The following NRG3 variants were observed in gnomAD, a reference collection of about 807,000 sequenced individuals.
NRG3 encodes the protein neuregulin 3.
A neutral mutation model predicts 66.9 loss-of-function variants in NRG3; 31 were observed. The ratio of observed to expected loss-of-function variants is 0.46; its 90% CI spans 0.35 to 0.63. The LOEUF (loss-of-function observed/expected upper bound fraction) is 0.63, where lower values mean the gene tolerates loss of function less well. Ranked by LOEUF, NRG3 falls within the 20% of genes least tolerant of loss-of-function variation. NRG3 has a pLI of 0.00. For missense variants in NRG3, 910 were observed against 878.9 expected (o/e 1.04, Z -0.45); for synonymous variants, 393 against 359.4 (o/e 1.09, Z -1.06).
rs544959066 is a variant in NRG3, at chr10:82,749,086, GT to G, written c.1027+10437del. Among the ~76,000 whole-genome samples the G allele has an allele frequency of 2.5e-3, 380 of 152,244 alleles. 2 individuals are homozygous for G. The Middle Eastern group carries it at 0.058, about 23-fold the overall frequency. On this transcript the variant is annotated intron_variant, in intron 3 of 8. Transcript: ENST00000372141. ...AACAAATTGCAATATGGGTTCCTGT[GT>G]AAAACTTGAGGGCTTGGAGAGAGGA...
chr10:81,952,991 C>G (rs937705055), intron 1 of NRG3, among the ~76,000 whole-genome samples: 5 of 152,120 alleles, frequency 3.3e-5, no homozygotes, highest in African/African-American at 1.2e-4. Flanking sequence ...CTGGCCTCAT[C>G]TGCAGCAGGC....
intron 7 of NRG3, among the ~76,000 whole-genome samples, chr10:82,975,678 G>A (rs1018696658): frequency 1.3e-5 from 2 of 152,172 alleles, no homozygotes; most frequent in African/African-American, 4.8e-5. Context: ...AGACTTGAAC[G>A]TTTTCATGAT....
intron 3 of NRG3, among the ~76,000 whole-genome samples, chr10:82,745,242 C>G (rs992749843): frequency 6.6e-6 from 1 of 152,070 alleles, no homozygotes; most frequent in East Asian, 1.9e-4. Context: ...GCACACTGCC[C>G]GACTTCACTG....
chr10:81,892,282 GTA>G (rs554878958), intron 1 of NRG3, among the ~76,000 whole-genome samples: 1 of 151,186 alleles, frequency 6.6e-6, no homozygotes, highest in East Asian at 1.9e-4. Context: ...ATATGTAGGG[GTA>G]TATATATATA....
chr10:82,542,088 G>T (rs2043582254), intron 2 of NRG3, among the ~76,000 whole-genome samples: 1 of 151,976 alleles, frequency 6.6e-6, no homozygotes, highest in South Asian at 2.1e-4. Context: ...TCTACCCACT[G>T]ACAGGCCCCA....
chr10:82,272,804 A>G (rs1303415855), intron 1 of NRG3, among the ~76,000 whole-genome samples: 1 of 151,788 alleles, frequency 6.6e-6, no homozygotes, highest in Non-Finnish European at 1.5e-5. Flanking sequence ...TCTTTTATGG[A>G]CCTGAGAAGA....
At chr10:82,241,379 G>C (rs2133996649) in intron 1 of NRG3, among the ~76,000 whole-genome samples, 1 of 152,080 alleles carries the variant, frequency 6.6e-6, no homozygotes, top group East Asian at 1.9e-4. Context: ...GTCTATATCT[G>C]ACAGTATACA....
At chr10:82,510,401 A>T (rs990171325) in intron 2 of NRG3, among the ~76,000 whole-genome samples, 6 of 152,052 alleles carry the variant, frequency 3.9e-5, no homozygotes, top group Middle Eastern at 6.8e-3. Flanking sequence ...TGCTGGTGAA[A>T]CATGGACCAT....
chr10:82,686,379 G>A (rs374978778), intron 2 of NRG3, among the ~76,000 whole-genome samples: 1 of 151,990 alleles, frequency 6.6e-6, no homozygotes, highest in African/African-American at 2.4e-5. Flanking sequence ...GTAGAGATGG[G>A]GTTTTGCCAT....
At chr10:82,382,660 G>T (rs1390921830) in intron 2 of NRG3, among the ~76,000 whole-genome samples, 1 of 151,886 alleles carries the variant, frequency 6.6e-6, no homozygotes, top group Non-Finnish European at 1.5e-5. Flanking sequence ...AGTCGAAACC[G>T]ATATTAAATA....
intron 1 of NRG3, among the ~76,000 whole-genome samples, chr10:82,106,219 C>G (rs1323175000): frequency 1.3e-5 from 2 of 151,712 alleles, no homozygotes; most frequent in Admixed American, 1.3e-4. Flanking sequence ...CAGTCAGAGA[C>G]TCAGTACTGA....
chr10:81,904,165 A>G (rs1218509356), intron 1 of NRG3, among the ~76,000 whole-genome samples: 2 of 151,792 alleles, frequency 1.3e-5, no homozygotes, highest in East Asian at 3.9e-4. Flanking sequence ...ATGCAACACC[A>G]TGCCTGGCTA....
intron 2 of NRG3, among the ~76,000 whole-genome samples, chr10:82,694,729 G>A (rs1591201156): frequency 1.3e-5 from 2 of 152,260 alleles, no homozygotes; most frequent in East Asian, 3.9e-4. Flanking sequence ...ACTCTAGCCT[G>A]GGTGACAGAG....
At chr10:82,130,762 A>C (rs1225853711) in intron 1 of NRG3, among the ~76,000 whole-genome samples, 1 of 151,978 alleles carries the variant, frequency 6.6e-6, no homozygotes, top group African/African-American at 2.4e-5. Flanking sequence ...ATCTCATTGT[A>C]GTTTTGATTT....
At chr10:82,723,157 C>G (rs562313799) in intron 2 of NRG3, among the ~76,000 whole-genome samples, 1 of 152,146 alleles carries the variant, frequency 6.6e-6, no homozygotes. Context: ...AATAAAATTA[C>G]ATCTTTCACA....
intron 1 of NRG3, among the ~76,000 whole-genome samples, chr10:81,949,742 A>T (rs757975033): frequency 3.9e-5 from 6 of 152,218 alleles, no homozygotes; most frequent in Admixed American, 6.5e-5. Flanking sequence ...TATGTCTCTG[A>T]GGTGCCAAGA....
chr10:81,886,059 C>T (rs1052751703), intron 1 of NRG3, among the ~76,000 whole-genome samples: 3 of 152,018 alleles, frequency 2.0e-5, no homozygotes, highest in Non-Finnish European at 4.4e-5. Flanking sequence ...CTAATGCACG[C>T]GGGGCTTAAT....
intron 1 of NRG3, among the ~76,000 whole-genome samples, chr10:82,175,061 A>C (rs1312045770): frequency 2.6e-5 from 4 of 152,082 alleles, no homozygotes; most frequent in African/African-American, 9.7e-5. Flanking sequence ...ATTAATTTTT[A>C]CCTTCTTGTT....
intron 2 of NRG3, among the ~76,000 whole-genome samples, chr10:82,713,385 G>A (rs1471507221): frequency 6.6e-6 from 1 of 152,128 alleles, no homozygotes; most frequent in Non-Finnish European, 1.5e-5. Context: ...TTGTTGTCAT[G>A]GTGGGGAGAA....
Sources: allele counts gnomAD v4.1 joint callset (sites outside exome capture counted in the v4.1 genomes callset), GRCh38; gene constraint gnomAD v4.1.1; transcripts MANE v1.5; gene names NCBI Gene and HGNC (gene_info 2026-07-23, HGNC 2026-07-21).